The following MOB3B variants were observed in gnomAD, a reference collection of about 807,000 sequenced individuals.
The protein encoded by MOB3B is MOB kinase activator 3B, also known as MOB kinase activator-like 2B.
A neutral mutation model predicts 18.7 loss-of-function variants in MOB3B; 7 were observed. The ratio of observed to expected loss-of-function variants is 0.37; its 90% CI spans 0.21 to 0.70. MOB3B has a LOEUF of 0.70. MOB3B is among the 30% of genes least tolerant of loss of function. The pLI is 0.52. For missense variants in MOB3B, 253 were observed against 281.3 expected, an observed-to-expected ratio of 0.90 and a Z score of 0.72; for synonymous variants, 111 against 99.9, an observed-to-expected ratio of 1.11 and a Z score of -0.66.
chr9:27,477,319 T>C (rs1338916556), intron 1 of MOB3B, among the ~76,000 whole-genome samples: 1 of 152,222 alleles, frequency 6.6e-6, no homozygotes, highest in African/African-American at 2.4e-5. Context: ...TCTTCATTAC[T>C]GCATGTAAGC....
intron 2 of MOB3B, among the ~76,000 whole-genome samples, chr9:27,400,216 C>T (rs1009358258): frequency 6.6e-6 from 1 of 152,228 alleles, no homozygotes; most frequent in Non-Finnish European, 1.5e-5. Flanking sequence ...AAATAACTTA[C>T]TTTGTCTGTG....
chr9:27,393,858 C>A (rs1054072306), intron 2 of MOB3B, among the ~76,000 whole-genome samples: 1 of 152,110 alleles, frequency 6.6e-6, no homozygotes. Context: ...AACTCCATGT[C>A]ATTTTGCTAA....
intron 2 of MOB3B, among the ~76,000 whole-genome samples, chr9:27,448,548 T>C (rs879576171): frequency 1.3e-5 from 2 of 152,132 alleles, no homozygotes; most frequent in African/African-American, 2.4e-5. Context: ...TCACTACCCA[T>C]GAGAACAGTA....
At chr9:27,515,315 C>G (rs1389268764) in intron 1 of MOB3B, among the ~76,000 whole-genome samples, 1 of 152,170 alleles carries the variant, frequency 6.6e-6, no homozygotes, top group African/African-American at 2.4e-5. Flanking sequence ...CATAAATACA[C>G]ACAGTGGATT....
At chr9:27,350,266 G>A (rs1193311992) in intron 3 of MOB3B, among the ~76,000 whole-genome samples, 2 of 145,392 alleles carry the variant, frequency 1.4e-5, no homozygotes, top group African/African-American at 5.1e-5. Context: ...ATTATCTATA[G>A]TAATACCAAG....
intron 1 of MOB3B, among the ~76,000 whole-genome samples, chr9:27,472,165 A>G (rs944477726): frequency 3.3e-5 from 5 of 151,658 alleles, no homozygotes; most frequent in African/African-American, 1.2e-4. Flanking sequence ...CATTTAGGGG[A>G]GTTGTTTTGG....
At chr9:27,426,122 T>G (rs1354371109) in intron 2 of MOB3B, among the ~76,000 whole-genome samples, 2 of 152,174 alleles carry the variant, frequency 1.3e-5, no homozygotes, top group Non-Finnish European at 2.9e-5. Context: ...AGTGCTACTG[T>G]TATCCCCCAT....
Position 27,359,172 on chromosome 9 carries a change from G to C in MOB3B, c.483C>G (p.Val161=). The C allele has an allele frequency of 6.2e-7, 1 of 1,614,156 alleles. No homozygotes were observed. The highest frequency in any genetic ancestry group is 1.1e-5 in the South Asian group (1 of 91,072). Reference sequence around the variant, plus strand: ...AGTGGTGGATATAGACGTGGACAAAGACCCGGAAAAGGCGGCACAGGATCT... The same window carrying C: ...AGTGGTGGATATAGACGTGGACAAACACCCGGAAAAGGCGGCACAGGATCT... The part of the protein sequence containing the change: ...CKKILCRLFR[V]FVHVYIHHFD... The change falls in exon 3 of 4, where the codon GTC becomes GTG. Residue 161 remains valine (V), a synonymous_variant. Coordinates refer to ENST00000262244, the MANE Select transcript of MOB3B (RefSeq NM_024761.5).
At chr9:27,490,972 A>G (rs1819807929) in intron 1 of MOB3B, among the ~76,000 whole-genome samples, 1 of 51,270 alleles carries the variant, frequency 2.0e-5, no homozygotes, top group African/African-American at 4.3e-5. Context: ...ATAGCACATC[A>G]TACAGCCTTT....
chr9:27,526,390 C>A (rs922129309), intron 1 of MOB3B: 4 of 152,196 alleles, frequency 2.6e-5, no homozygotes, highest in African/African-American at 9.6e-5. Context: ...AAAAATAGTA[C>A]TACAAGCTTG....
intron 1 of MOB3B, among the ~76,000 whole-genome samples, chr9:27,487,822 A>T (rs1819753739): frequency 6.6e-6 from 1 of 152,068 alleles, no homozygotes; most frequent in South Asian, 2.1e-4. Context: ...CTGCTTATTG[A>T]TTCTGCTATG....
intron 2 of MOB3B, among the ~76,000 whole-genome samples, chr9:27,409,899 A>G (rs1822038460): frequency 6.6e-6 from 1 of 151,864 alleles, no homozygotes. Context: ...AGAAAGTGGA[A>G]TAGAGGTTAT....
At chr9:27,342,924 C>G (rs1307393458) in intron 3 of MOB3B, among the ~76,000 whole-genome samples, 1 of 150,838 alleles carries the variant, frequency 6.6e-6, no homozygotes, top group African/African-American at 2.5e-5. Flanking sequence ...TGCCTGGCCA[C>G]CCATCGTCTG....
chr9:27,433,250 A>C (rs1822443936), intron 2 of MOB3B, among the ~76,000 whole-genome samples: 1 of 152,020 alleles, frequency 6.6e-6, no homozygotes, highest in East Asian at 1.9e-4. Flanking sequence ...ATTATACTTT[A>C]ATATAATAAT....
intron 2 of MOB3B, among the ~76,000 whole-genome samples, chr9:27,439,536 A>G (rs1469762509): frequency 1.3e-5 from 2 of 152,168 alleles, no homozygotes; most frequent in East Asian, 3.9e-4. Context: ...CCATGAGTCA[A>G]ATTCCAAGTA....
rs933320236 is a variant in MOB3B, at chr9:27,447,008, T to TA, written c.418+8124_418+8125insT. 6.6e-5 allele frequency among the ~76,000 whole-genome samples: 10 copies of TA among 150,786 alleles called. No individual in the cohort carries two copies. The Admixed American group carries it at 6.6e-4, about 10-fold the overall frequency. ...ACTAGAATAGGAAATTAGCATGAAT[T>TA]TTTTTTTTAAGATATAACACCCAAA... On this transcript the variant is annotated intron_variant, in intron 2 of 3. Coordinates refer to ENST00000262244, the MANE Select transcript of MOB3B (RefSeq NM_024761.5).
intron 1 of MOB3B, among the ~76,000 whole-genome samples, chr9:27,458,589 T>C (rs1193972379): frequency 2.0e-4 from 26 of 131,110 alleles, no homozygotes; most frequent in Admixed American, 1.9e-3. Context: ...GCCATGATCA[T>C]GCCACTGCTG....
At chr9:27,389,499 A>G (rs1821696496) in intron 2 of MOB3B, among the ~76,000 whole-genome samples, 2 of 146,382 alleles carry the variant, frequency 1.4e-5, no homozygotes, top group Admixed American at 6.9e-5. Context: ...ATCTCTCTTG[A>G]GATGCCTCCT....
At chr9:27,482,509 G>C (rs1819675868) in intron 1 of MOB3B, among the ~76,000 whole-genome samples, 1 of 152,198 alleles carries the variant, frequency 6.6e-6, no homozygotes, top group Non-Finnish European at 1.5e-5. Flanking sequence ...TACTCTTTGA[G>C]CCAGTTCCTG....
Sources: allele counts gnomAD v4.1 joint callset (sites outside exome capture counted in the v4.1 genomes callset), GRCh38; gene constraint gnomAD v4.1.1; transcripts MANE v1.5; gene names NCBI Gene and HGNC (gene_info 2026-07-23, HGNC 2026-07-21).